The following FAM20C variants were observed in gnomAD, a reference collection of about 807,000 sequenced individuals.
FAM20C encodes the protein FAM20C golgi associated secretory pathway kinase, also known as extracellular serine/threonine protein kinase FAM20C.
In FAM20C, 40 loss-of-function variants were observed where a neutral mutation model predicts 51.5. The observed-to-expected ratio is 0.78, with a 90% CI of 0.60 to 1.01. FAM20C has a LOEUF of 1.01. FAM20C is among the 50% of genes least tolerant of loss of function. The pLI is 0.00. For synonymous variants in FAM20C, 406 were observed against 380.6 expected (o/e 1.07, Z -0.78); for missense variants, 861 against 844.7 (o/e 1.02, Z -0.24).
chr7:258,298 AGATGGGTGGGATGGACCCACTGCCCGGGG>A (rs1562401814), intron 8 of FAM20C, among the ~76,000 whole-genome samples: 20 of 103,920 alleles, frequency 1.9e-4, no homozygotes, highest in African/African-American at 8.0e-4. Context: ...GGGGTGCTGG[AGATGGGTGGGATGGACCCACTGCCCGGGG>A]TGCTGGAGAT....
intron 2 of FAM20C, among the ~76,000 whole-genome samples, chr7:197,727 C>T (rs925575741): frequency 6.6e-5 from 10 of 152,206 alleles, no homozygotes; most frequent in Non-Finnish European, 1.3e-4. Context: ...AACTGCAGCT[C>T]GCCACCTCCC....
At chr7:228,857 G>A (rs747305886) in intron 3 of FAM20C, 1 of 454,262 alleles carries the variant, frequency 2.2e-6, no homozygotes, top group African/African-American at 2.0e-5. Context: ...TGTAACAACT[G>A]CATGCTGGCT....
intron 4 of FAM20C, 101 bp downstream of exon 4, chr7:246,608 C>T (rs1788174214): frequency 1.4e-5 from 8 of 583,960 alleles, no homozygotes; most frequent in African/African-American, 3.1e-5. Context: ...TCATCGTCAC[C>T]TTCGTCACCA....
At position 256,773 on chromosome 7, in the gene FAM20C, G is replaced by T. The variant is rs36156504; in HGVS notation, c.1363+10G>T. The stretch of plus-strand genomic sequence containing the variant: ...TTCGACTTCCTCATGGGTACGTCCC[G>T]CAGGGGCACGGGGTCCCCGTGTCAC... On this transcript the variant is annotated intron_variant, in intron 7 of 9. Transcript: ENST00000313766. 40 of 1,535,046 alleles carry T rather than the reference G, an allele frequency of 2.6e-5. No individual in the cohort carries two copies. The highest frequency in any genetic ancestry group is 3.4e-5 in the Non-Finnish European group (39 of 1,146,068).
rs542063702 is a variant in FAM20C at position 257,189 on chromosome 7, G to C, written c.1445+103G>C. 1.8e-4 allele frequency: 195 copies of C among 1,105,200 alleles called. 4 individuals carry two copies. The African/African-American group carries it at 2.5e-3, about 14-fold the overall frequency. The allele number at this position is 1,105,200 out of a possible 1,614,324, so 68.5% of individuals were successfully genotyped here. ...GGGGACGGGGGGAGCAGACCCTCCAGTGGAGGGATGGGAATGTCGCAAAGG... is the reference window on the plus strand; with the variant it reads ...GGGGACGGGGGGAGCAGACCCTCCACTGGAGGGATGGGAATGTCGCAAAGG... On this transcript the variant is annotated intron_variant, in intron 8 of 9. Coordinates refer to ENST00000313766, the MANE Select transcript of FAM20C (RefSeq NM_020223.4).
At chr7:256,059 G>T in intron 6 of FAM20C, 30 bp downstream of exon 6, 1 of 1,530,402 alleles carries the variant, frequency 6.5e-7, no homozygotes, top group Non-Finnish European at 8.7e-7. Flanking sequence ...GCTGGCGTCC[G>T]GCCACCCTAC....
At chr7:247,982 T>C (rs1788235476) in intron 4 of FAM20C, among the ~76,000 whole-genome samples, 1 of 152,248 alleles carries the variant, frequency 6.6e-6, no homozygotes, top group Non-Finnish European at 1.5e-5. Flanking sequence ...CAGAAGGAGT[T>C]CCATTAAAAG....
intron 5 of FAM20C, among the ~76,000 whole-genome samples, chr7:255,031 T>C (rs1002368033): frequency 6.6e-6 from 1 of 152,252 alleles, no homozygotes; most frequent in Non-Finnish European, 1.5e-5. Context: ...TTTTCGGCTG[T>C]GGTGAGCGGT....
At chr7:232,070 C>T (rs1787712227) in intron 3 of FAM20C, among the ~76,000 whole-genome samples, 1 of 152,244 alleles carries the variant, frequency 6.6e-6, no homozygotes, top group Admixed American at 6.5e-5. Context: ...CCGGGGAAGG[C>T]ATCTGCCTCC....
chr7:254,214 G>C (rs1213639169), intron 5 of FAM20C, among the ~76,000 whole-genome samples: 2 of 152,162 alleles, frequency 1.3e-5, no homozygotes, highest in East Asian at 3.9e-4. Context: ...GCTAAGAAAG[G>C]GCAGCCGGGA....
At chr7:237,845 T>TGATGGTGGTGGAGGTGATGATGATAA (rs1583323562) in intron 3 of FAM20C, among the ~76,000 whole-genome samples, 29 of 760 alleles carry the variant, frequency 0.038, 2 homozygotes, top group East Asian at 0.065. Flanking sequence ...ATAGTGATGA[T>TGATGGTGGTGGAGGTGATGATGATAA]GNNNNNNNNN....
At chr7:199,207 A>G (rs1786021331) in intron 2 of FAM20C, among the ~76,000 whole-genome samples, 2 of 152,198 alleles carry the variant, frequency 1.3e-5, no homozygotes, top group South Asian at 4.1e-4. Context: ...CTGAGTACGA[A>G]CTTCCAGTTG....
At chr7:223,087 A>C (rs1478653189) in intron 3 of FAM20C, among the ~76,000 whole-genome samples, 2 of 151,770 alleles carry the variant, frequency 1.3e-5, no homozygotes, top group Non-Finnish European at 2.9e-5. Context: ...GCTTATGTGA[A>C]TGTGGGGGAG....
At position 193,532 on chromosome 7, in the gene FAM20C, G is replaced by T; in HGVS notation, c.333G>T (p.Pro111=). 6.7e-7 allele frequency: 1 copy of T among 1,495,762 alleles called. No individual in the cohort carries two copies. The highest frequency in any genetic ancestry group is 8.9e-7 in the Non-Finnish European group (1 of 1,119,356). The allele number at this position is 1,495,762 out of a possible 1,614,324, so 92.7% of individuals were successfully genotyped here. A position where few individuals can be genotyped will look rare whatever the true frequency, so the allele number is the denominator to read the frequency against. ...CGTCCCACTCGCTGGAGAAACTGCC[G>T]CCCGCGGCCGAGCCGGCCGAGCGCG... ...NLSSHSLEKL[P]PAAEPAERAL... is the part of the protein sequence containing the mutation. Residue 111 remains proline, a synonymous_variant, in exon 1 of 10, where the codon CCG becomes CCT. Transcript: ENST00000313766.
At chr7:202,345 G>A (rs953181137) in intron 2 of FAM20C, among the ~76,000 whole-genome samples, 3 of 148,300 alleles carry the variant, frequency 2.0e-5, no homozygotes. Flanking sequence ...GAGAGAATGG[G>A]TGACTGCTGG....
At chr7:230,037 G>T (rs1384425508) in intron 3 of FAM20C, among the ~76,000 whole-genome samples, 1 of 152,150 alleles carries the variant, frequency 6.6e-6, no homozygotes, top group Non-Finnish European at 1.5e-5. Flanking sequence ...CCTCTGGAAG[G>T]TGCCCCGAGT....
At chr7:228,621 G>C in intron 3 of FAM20C, 1 of 456,252 alleles carries the variant, frequency 2.2e-6, no homozygotes, top group South Asian at 1.5e-5. Context: ...TGTGAGCCAG[G>C]GGAATGACCT....
chr7:195,357 G>C (rs1424160656), intron 1 of FAM20C, 197 bp from the exon 2 acceptor site: 7 of 456,918 alleles, frequency 1.5e-5, no homozygotes, highest in Non-Finnish European at 2.7e-5. Flanking sequence ...CTTTCACCGT[G>C]TTATTAGTTG....
chr7:255,734 G>A, intron 5 of FAM20C, 115 bp from the exon 6 acceptor site: 1 of 1,139,710 alleles, frequency 8.8e-7, no homozygotes, highest in Non-Finnish European at 1.3e-6. Context: ...CTGTGGGTGA[G>A]TCCTGCCCAT....
Sources: allele counts gnomAD v4.1 joint callset (sites outside exome capture counted in the v4.1 genomes callset), GRCh38; gene constraint gnomAD v4.1.1; transcripts MANE v1.5; gene names NCBI Gene and HGNC (gene_info 2026-07-23, HGNC 2026-07-21).